The following POLR1F variants were observed in gnomAD, a reference collection of about 807,000 sequenced individuals.
The protein encoded by POLR1F is DNA-directed RNA polymerase I subunit RPA43.
In POLR1F, 23 loss-of-function variants were observed where a neutral mutation model predicts 21.8. The ratio of observed to expected loss-of-function variants is 1.05; its 90% CI spans 0.76 to 1.49. The LOEUF is 1.49. Ranked by LOEUF, POLR1F falls within the 40% of genes most tolerant of loss-of-function variation. The probability of loss-of-function intolerance (pLI) is 0.00; values close to 1 mark genes in which losing one functional copy is unlikely to be tolerated. For synonymous variants in POLR1F, 162 were observed against 152.8 expected (o/e 1.06, Z -0.45); for missense variants, 435 against 412.1 (o/e 1.06, Z -0.48).
chr7:19,705,590 A>G (rs1282063780), intron 1 of POLR1F, among the ~76,000 whole-genome samples: 1 of 152,254 alleles, frequency 6.6e-6, no homozygotes, highest in Non-Finnish European at 1.5e-5. Context: ...GACTTAATAG[A>G]GAAAATCCCA....
In POLR1F at chr7:19,700,052, T is replaced by C. The variant is rs768439984; in HGVS notation, c.605+20A>G. On this transcript the variant is annotated intron_variant, in intron 3 of 3. Transcript: ENST00000222567. ...ATAGAAATTAAGTACCTAGTGATAATTACGTAATGATAAACTAACCTTGTG... is the reference window on the plus strand; with the variant it reads ...ATAGAAATTAAGTACCTAGTGATAACTACGTAATGATAAACTAACCTTGTG... 9 of 1,585,162 alleles carry C rather than the reference T, an allele frequency of 5.7e-6. No individual in the cohort carries two copies. The Admixed American group carries it at 1.5e-4, about 26-fold the overall frequency.
chr7:19,699,460 A>G (rs964982531), intron 3 of POLR1F, among the ~76,000 whole-genome samples: 1 of 152,192 alleles, frequency 6.6e-6, no homozygotes, highest in Non-Finnish European at 1.5e-5. Flanking sequence ...TATTTCTGTC[A>G]TTACAGAAAT....
In POLR1F at chr7:19,697,424, T is replaced by G. The variant is rs1180670084; in HGVS notation, c.*892A>C. On this transcript the variant is annotated 3_prime_UTR_variant, in exon 4 of 4. Transcript: ENST00000222567. ...CAGCTTCAACCAGCTTGTCATTTCATTACACTTTGTCAATTAGTCAAGAGA... is the reference window on the plus strand; with the variant it reads ...CAGCTTCAACCAGCTTGTCATTTCAGTACACTTTGTCAATTAGTCAAGAGA... 6.6e-6 allele frequency: 1 copy of G among 152,158 alleles called. No individual in the cohort carries two copies. Among genetic ancestry groups the G allele is most frequent in the East Asian group, 1.9e-4 (1 of 5,198 alleles). The allele number at this position is 152,158 out of a possible 1,614,324, so 9.4% of individuals were successfully genotyped here.
chr7:19,707,798 G>A (rs908083518), intron 1 of POLR1F, among the ~76,000 whole-genome samples: 2 of 152,078 alleles, frequency 1.3e-5, no homozygotes, highest in African/African-American at 4.8e-5. Flanking sequence ...CAAGTGTTCG[G>A]TATGTAATAT....
rs1301265684 is a variant in POLR1F, at chr7:19,708,996, C to T, written c.21G>A (p.Glu7=). ...CAGAAGCCGCCGCTGGCCGCGGCGC[C>T]TCTGAGCAACCTGCAGCCATGCTGC... MAAGCS[E]APRPAAASDG... The change falls in exon 1 of 4, where the codon GAG becomes GAA. Residue 7 remains glutamate (E), a synonymous_variant. Transcript: ENST00000222567. 2.5e-6 allele frequency: 4 copies of T among 1,592,132 alleles called. No homozygotes were observed. The highest frequency in any genetic ancestry group is 1.7e-5 in the Admixed American group (1 of 59,376).
At position 19,700,166 on chromosome 7, in the gene POLR1F, T is replaced by A. The variant is rs754160424; in HGVS notation, c.511A>T (p.Ile171Leu). Residue 171 changes from isoleucine to leucine, a missense_variant, in exon 3 of 4, where the codon ATA becomes TTA. Transcript: ENST00000222567. ...AATTCTAGTTCATCACCCATGTTTATCTCCATGGTTTGCCACTGCTCAGCT... is the reference window on the plus strand; with the variant it reads ...AATTCTAGTTCATCACCCATGTTTAACTCCATGGTTTGCCACTGCTCAGCT... ...LSAEQWQTMEINMGDELEFEV... is the reference protein window; with the variant it reads ...LSAEQWQTMELNMGDELEFEV... The A allele has an allele frequency of 1.4e-5, 23 of 1,613,812 alleles. No individual in the cohort carries two copies. Among genetic ancestry groups the A allele is most frequent in the Non-Finnish European group, 1.8e-5 (21 of 1,179,868 alleles).
chr7:19,707,501 A>T (rs745720949), intron 1 of POLR1F, among the ~76,000 whole-genome samples: 12 of 152,156 alleles, frequency 7.9e-5, no homozygotes, highest in Admixed American at 2.0e-4. Flanking sequence ...CCCTGACATA[A>T]ACCTTATTCT....
chr7:19,704,975 G>A, intron 1 of POLR1F, 55 bp from the exon 2 acceptor site: 1 of 1,523,052 alleles, frequency 6.6e-7, no homozygotes, highest in Non-Finnish European at 8.8e-7. Context: ...ATTTATTTAT[G>A]TTTTTGGAGA....
At position 19,698,571 on chromosome 7, in the gene POLR1F, A is replaced by G; in HGVS notation, c.762T>C (p.Thr254=). ...TTKLADDADD[T]PMEESALQNT... ...TCTGCAGGGCTGACTCTTCCATTGG[A>G]GTGTCATCTGCATCATCTGCTAGCT... Residue 254 remains threonine (T), a synonymous_variant, in exon 4 of 4, where the codon ACT becomes ACC. Coordinates refer to ENST00000222567, the MANE Select transcript of POLR1F (RefSeq NM_001002926.2). 6.2e-7 allele frequency: 1 copy of G among 1,613,178 alleles called. No homozygotes were observed. The highest frequency in any genetic ancestry group is 8.5e-7 in the Non-Finnish European group (1 of 1,179,730).
chr7:19,704,975 GT>G (rs2128006932), intron 1 of POLR1F, 55 bp from the exon 2 acceptor site: 2 of 1,523,048 alleles, frequency 1.3e-6, no homozygotes, highest in South Asian at 2.7e-5. Flanking sequence ...ATTTATTTAT[GT>G]TTTTGGAGAC....
rs567410459 is a variant in POLR1F at position 19,703,332 on chromosome 7, G to A, written c.396+1447C>T. 2.6e-4 allele frequency among the ~76,000 whole-genome samples: 39 copies of A among 152,282 alleles called. No individual in the cohort carries two copies. In the East Asian group the frequency reaches 7.1e-3, roughly 28 times the overall value. ...AAAGAGAAGGAATTGGGCCAGGAAA[G>A]GGCATGAAGATCCTTTCTAAGGAGA... On this transcript the variant is annotated intron_variant, in intron 2 of 3. Transcript: ENST00000222567.
At chr7:19,703,883 T>C (rs149782199) in intron 2 of POLR1F, among the ~76,000 whole-genome samples, 2,340 of 152,342 alleles carry the variant, frequency 0.015, 13 homozygotes, top group Middle Eastern at 0.024. Flanking sequence ...TGTGAGCCAC[T>C]GTGGCTGGCC....
chr7:19,707,648 C>T (rs1208118191), intron 1 of POLR1F, among the ~76,000 whole-genome samples: 2 of 152,166 alleles, frequency 1.3e-5, no homozygotes, highest in East Asian at 3.8e-4. Context: ...TCAAAGGTCC[C>T]AAGATCCAAA....
chr7:19,698,519 C>T lies in POLR1F; in HGVS notation c.814G>A (p.Glu272Lys). 2 of 1,605,954 alleles carry T rather than the reference C, an allele frequency of 1.2e-6. No homozygotes were observed. The highest frequency in any genetic ancestry group is 2.2e-5 in the South Asian group (2 of 88,918). ...QNTNNANGIWEEEPKKKKKKK... is the reference protein window; with the variant it reads ...QNTNNANGIWKEEPKKKKKKK... Reference sequence around the variant, plus strand: ...TTCTTCTTTTTCTTTGGCTCCTCCTCCCAGATGCCATTCGCATTATTAGTA... The same window carrying T: ...TTCTTCTTTTTCTTTGGCTCCTCCTTCCAGATGCCATTCGCATTATTAGTA... The change falls in exon 4 of 4, where the codon GAG becomes AAG. Residue 272 changes from glutamate (E) to lysine (K), a missense_variant. Physicochemically the swap from Glu to Lys is moderately conservative, Grantham distance 56. Coordinates refer to ENST00000222567, the MANE Select transcript of POLR1F (RefSeq NM_001002926.2).
chr7:19,704,705 T>C (rs1783493721), intron 2 of POLR1F, 74 bp downstream of exon 2: 4 of 1,348,434 alleles, frequency 3.0e-6, no homozygotes, highest in Non-Finnish European at 4.0e-6. Flanking sequence ...AGGTATATAT[T>C]ATCTCTTAAA....
chr7:19,697,532 T>C lies in POLR1F; in HGVS notation c.*784A>G, dbSNP rs1437787116. The C allele has an allele frequency of 6.6e-6, 1 of 152,186 alleles. No homozygotes were observed. Among genetic ancestry groups the C allele is most frequent in the Non-Finnish European group, 1.5e-5 (1 of 68,004 alleles). The allele number at this position is 152,186 out of a possible 1,614,324, so 9.4% of individuals were successfully genotyped here. A position where few individuals can be genotyped will look rare whatever the true frequency, so the allele number is the denominator to read the frequency against. ...AATATCTTATAGCCCATTCCAATCA[T>C]TAAAAAGTAATCTGAAATTTCCCAC... On this transcript the variant is annotated 3_prime_UTR_variant, in exon 4 of 4. Transcript: ENST00000222567.
At chr7:19,704,101 T>C (rs1783484317) in intron 2 of POLR1F, among the ~76,000 whole-genome samples, 1 of 152,242 alleles carries the variant, frequency 6.6e-6, no homozygotes. Flanking sequence ...TAAATTGATC[T>C]ATATTTTTAT....
At chr7:19,704,199 T>C (rs866307235) in intron 2 of POLR1F, among the ~76,000 whole-genome samples, 1 of 152,134 alleles carries the variant, frequency 6.6e-6, no homozygotes, top group Non-Finnish European at 1.5e-5. Context: ...CAAGTATACA[T>C]ACGAACATGT....
At chr7:19,702,827 T>C (rs563963860) in intron 2 of POLR1F, among the ~76,000 whole-genome samples, 13 of 152,282 alleles carry the variant, frequency 8.5e-5, no homozygotes, top group East Asian at 5.8e-4. Context: ...AAAACCATAA[T>C]GAGATACTAC....
Sources: gnomAD v4.1 joint callset for allele counts (sites outside exome capture counted in the v4.1 genomes callset) on GRCh38, gnomAD v4.1.1 for gene constraint, MANE v1.5 for transcripts, NCBI Gene and HGNC (gene_info 2026-07-23, HGNC 2026-07-21) for gene names.